Variants in ATP9A observed in about 807,000 individuals in gnomAD.
The protein encoded by ATP9A is probable phospholipid-transporting ATPase IIA.
ATP9A carries 52 observed loss-of-function variants against 144.1 expected under a neutral mutation model. The observed-to-expected ratio is 0.36, with a 90% CI of 0.29 to 0.45. The LOEUF (loss-of-function observed/expected upper bound fraction) is 0.45, where lower values mean the gene tolerates loss of function less well. Among genes scored for constraint, ATP9A ranks in the 20% least tolerant of loss-of-function variants. The pLI, the probability that ATP9A is intolerant of heterozygous loss-of-function variation, is 1.00. For synonymous variants in ATP9A, 582 were observed against 557.4 expected, an observed-to-expected ratio of 1.04 and a Z score of -0.62; for missense variants, 947 against 1,392.7, an observed-to-expected ratio of 0.68 and a Z score of 5.09.
rs2077120993 is a variant in ATP9A, at chr20:51,596,718, G to A, written c.*4493C>T. 6.6e-6 allele frequency: 1 copy of A among 152,030 alleles called. No homozygotes were observed. Among genetic ancestry groups the A allele is most frequent in the African/African-American group, 2.4e-5 (1 of 41,364 alleles). 9.4% of individuals were successfully genotyped at this position (152,030 alleles called of 1,614,324 possible). ...AAAAATAGGAGCGTTATAATAAAAA[G>A]TCCTCATTTTGATACCAGAATTCAT... On this transcript the variant is annotated 3_prime_UTR_variant, in exon 28 of 28. Transcript: ENST00000338821.
intron 15 of ATP9A, among the ~76,000 whole-genome samples, chr20:51,632,697 G>A (rs1447971109): frequency 6.6e-6 from 1 of 152,114 alleles, no homozygotes; most frequent in Non-Finnish European, 1.5e-5. Flanking sequence ...AAAAGCCCCA[G>A]AGGCCCAGTT....
At chr20:51,651,016 T>C (rs1461986572) in intron 14 of ATP9A, among the ~76,000 whole-genome samples, 1 of 150,974 alleles carries the variant, frequency 6.6e-6, no homozygotes, top group African/African-American at 2.4e-5. Context: ...TCTCGCTCTG[T>C]TGCCCAGGCT....
In ATP9A at chr20:51,596,791, C is replaced by T. The variant is rs1042936092; in HGVS notation, c.*4420G>A. On this transcript the variant is annotated 3_prime_UTR_variant, in exon 28 of 28. Coordinates refer to ENST00000338821, the MANE Select transcript of ATP9A (RefSeq NM_006045.3). ...TCCCCCAAGGCAGAACGTACACAAG[C>T]TTTATTGGGCAACAGCAACGAGCCA... 1.3e-5 allele frequency: 2 copies of T among 152,176 alleles called. No homozygotes were observed. The highest frequency in any genetic ancestry group is 2.9e-5 in the Non-Finnish European group (2 of 68,036). The allele number at this position is 152,176 out of a possible 1,614,324, so 9.4% of individuals were successfully genotyped here.
chr20:51,765,479 AC>A (rs1405265935), intron 1 of ATP9A, among the ~76,000 whole-genome samples: 2 of 151,062 alleles, frequency 1.3e-5, no homozygotes, highest in African/African-American at 4.9e-5. Context: ...ACATGGAGAA[AC>A]CCCATCTGTA....
chr20:51,599,945 A>C lies in ATP9A; in HGVS notation c.*1266T>G, dbSNP rs2077135089. ...ATGCCTTGCTCTACCACGTCCCGCGACTGCAAACTCCCTTCCTCTGAAACA... is the reference window on the plus strand; with the variant it reads ...ATGCCTTGCTCTACCACGTCCCGCGCCTGCAAACTCCCTTCCTCTGAAACA... On this transcript the variant is annotated 3_prime_UTR_variant, in exon 28 of 28. Transcript: ENST00000338821. The C allele has an allele frequency of 6.6e-6, 1 of 152,220 alleles. No individual in the cohort carries two copies. 9.4% of individuals were successfully genotyped at this position (152,220 alleles called of 1,614,324 possible). A position where few individuals can be genotyped will look rare whatever the true frequency, so the allele number is the denominator to read the frequency against.
chr20:51,647,764 A>G (rs1029213972), intron 14 of ATP9A, among the ~76,000 whole-genome samples: 1 of 152,152 alleles, frequency 6.6e-6, no homozygotes, highest in Admixed American at 6.5e-5. Context: ...AAATGACTAT[A>G]TATTAACTCT....
At chr20:51,740,827 A>G (rs1299929378) in intron 1 of ATP9A, among the ~76,000 whole-genome samples, 1 of 151,730 alleles carries the variant, frequency 6.6e-6, no homozygotes, top group Non-Finnish European at 1.5e-5. Context: ...CTCCCAGTTC[A>G]GCCTCTCAAA....
chr20:51,678,271 CT>C (rs757308453), intron 9 of ATP9A, among the ~76,000 whole-genome samples: 19 of 152,102 alleles, frequency 1.2e-4, no homozygotes, highest in Admixed American at 7.9e-4. Flanking sequence ...AATTTGGTCT[CT>C]GCCAGAAAGA....
intron 1 of ATP9A, 61 bp downstream of exon 1, chr20:51,768,241 G>T: frequency 8.9e-7 from 1 of 1,121,834 alleles, no homozygotes; most frequent in Non-Finnish European, 1.1e-6. Context: ...GGCCAGGCTG[G>T]CCCGAGCGCC....
intron 15 of ATP9A, among the ~76,000 whole-genome samples, chr20:51,630,353 C>T (rs1270764205): frequency 1.3e-5 from 2 of 152,174 alleles, no homozygotes; most frequent in African/African-American, 4.8e-5. Context: ...CTCCAGGAAG[C>T]CCAGAATAAA....
intron 15 of ATP9A, among the ~76,000 whole-genome samples, chr20:51,636,655 C>G (rs2077293416): frequency 6.8e-6 from 1 of 147,688 alleles, no homozygotes; most frequent in Non-Finnish European, 1.5e-5. Flanking sequence ...TTTCCCAGCT[C>G]CCCTCAATTC....
At chr20:51,712,264 C>T (rs556666470) in intron 4 of ATP9A, among the ~76,000 whole-genome samples, 1 of 152,028 alleles carries the variant, frequency 6.6e-6, no homozygotes, top group South Asian at 2.1e-4. Context: ...TTAGTAGAGA[C>T]AGGGTTTCAC....
chr20:51,617,338 T>C, intron 22 of ATP9A, 152 bp downstream of exon 22: 1 of 796,120 alleles, frequency 1.3e-6, no homozygotes, highest in Non-Finnish European at 2.1e-6. Context: ...GACCTCTATC[T>C]TCCCAGTGAC....
At chr20:51,757,775 G>A (rs185031210) in intron 1 of ATP9A, among the ~76,000 whole-genome samples, 198 of 152,154 alleles carry the variant, frequency 1.3e-3, no homozygotes, top group African/African-American at 4.6e-3. Flanking sequence ...GTATGGTGGT[G>A]CATGTTTGTA....
intron 14 of ATP9A, among the ~76,000 whole-genome samples, chr20:51,641,375 T>C (rs1306034766): frequency 2.0e-5 from 3 of 151,572 alleles, no homozygotes; most frequent in African/African-American, 7.3e-5. Flanking sequence ...AAAATTATTA[T>C]TAGGGTGGGG....
At chr20:51,707,833 T>C (rs1284166674) in intron 4 of ATP9A, among the ~76,000 whole-genome samples, 2 of 151,558 alleles carry the variant, frequency 1.3e-5, no homozygotes, top group African/African-American at 4.9e-5. Flanking sequence ...ACTTGGTACA[T>C]GATGAAGTCT....
intron 11 of ATP9A, among the ~76,000 whole-genome samples, chr20:51,672,684 T>C (rs1568814265): frequency 6.6e-6 from 1 of 152,132 alleles, no homozygotes; most frequent in South Asian, 2.1e-4. Flanking sequence ...ATATATCAAG[T>C]ATAAGACAGA....
chr20:51,617,353 G>A, intron 22 of ATP9A, 137 bp downstream of exon 22: 1 of 888,156 alleles, frequency 1.1e-6, no homozygotes, highest in African/African-American at 1.7e-5. Flanking sequence ...AGTGACACAA[G>A]GTAACTGTGA....
intron 4 of ATP9A, among the ~76,000 whole-genome samples, chr20:51,700,515 C>G (rs1185446176): frequency 2.6e-5 from 4 of 152,054 alleles, no homozygotes; most frequent in Admixed American, 2.0e-4. Flanking sequence ...GAACAAGACC[C>G]TGCCTCAAAA....
Sources: gnomAD v4.1 joint callset for allele counts (sites outside exome capture counted in the v4.1 genomes callset) on GRCh38, gnomAD v4.1.1 for gene constraint, MANE v1.5 for transcripts, NCBI Gene and HGNC (gene_info 2026-07-23, HGNC 2026-07-21) for gene names.